The following LHFPL6 variants were observed in gnomAD, a reference collection of about 807,000 sequenced individuals.
LHFPL6 encodes the protein LHFPL tetraspan subfamily member 6 protein.
In LHFPL6, 9 loss-of-function variants were observed where a neutral mutation model predicts 20.6. The observed-to-expected ratio is 0.44, with a 90% CI of 0.26 to 0.76. The LOEUF is 0.76. Ranked by LOEUF, LHFPL6 falls within the 30% of genes least tolerant of loss-of-function variation. LHFPL6 has a pLI of 0.20. For missense variants in LHFPL6, 218 were observed against 253.5 expected (o/e 0.86, Z 0.95); for synonymous variants, 105 against 98.7 (o/e 1.06, Z -0.38).
At chr13:39,488,288 C>A (rs1426978257) in intron 2 of LHFPL6, among the ~76,000 whole-genome samples, 1 of 152,176 alleles carries the variant, frequency 6.6e-6, no homozygotes, top group Admixed American at 6.5e-5. Flanking sequence ...TTATAAGCCA[C>A]CCAGTTTAAG....
intron 2 of LHFPL6, among the ~76,000 whole-genome samples, chr13:39,466,782 C>T (rs1336820940): frequency 6.6e-6 from 1 of 152,182 alleles, no homozygotes; most frequent in Non-Finnish European, 1.5e-5. Context: ...ACCTTTCTAA[C>T]CAGATTTCCT....
At position 39,602,512 on chromosome 13, in the gene LHFPL6, C is replaced by A. The variant is rs540588431; in HGVS notation, c.-175+371G>T. ...GGGAAGACCAGCAGGGGGTGGCCTG[C>A]GGGCAGGGGGCCCCCATCTCCAACT... On this transcript the variant is annotated intron_variant, in intron 1 of 3. Coordinates refer to ENST00000379589, the MANE Select transcript of LHFPL6 (RefSeq NM_005780.3). 3.3e-5 allele frequency among the ~76,000 whole-genome samples: 5 copies of A among 152,242 alleles called. No homozygotes were observed. The South Asian group carries it at 1.0e-3, about 32-fold the overall frequency.
intron 3 of LHFPL6, among the ~76,000 whole-genome samples, chr13:39,358,397 G>A (rs553545533): frequency 6.6e-6 from 1 of 152,066 alleles, no homozygotes; most frequent in Non-Finnish European, 1.5e-5. Context: ...AAATTAACTC[G>A]AGAGATTAAA....
chr13:39,382,694 C>T (rs1297994563), intron 2 of LHFPL6, among the ~76,000 whole-genome samples: 1 of 152,072 alleles, frequency 6.6e-6, no homozygotes, highest in Non-Finnish European at 1.5e-5. Flanking sequence ...AGCCACATTA[C>T]TTTGAAATGT....
chr13:39,392,393 G>C (rs975132035), intron 2 of LHFPL6, among the ~76,000 whole-genome samples: 3 of 152,118 alleles, frequency 2.0e-5, no homozygotes, highest in Non-Finnish European at 4.4e-5. Flanking sequence ...TCAGGAGTTC[G>C]AGACCAGCCT....
intron 2 of LHFPL6, among the ~76,000 whole-genome samples, chr13:39,502,917 A>G (rs997778586): frequency 1.3e-5 from 2 of 152,132 alleles, no homozygotes; most frequent in Admixed American, 1.3e-4. Flanking sequence ...TTTAGAGACA[A>G]GGTCTTGCTC....
intron 2 of LHFPL6, among the ~76,000 whole-genome samples, chr13:39,598,741 T>C (rs947221361): frequency 2.0e-5 from 3 of 152,032 alleles, no homozygotes; most frequent in African/African-American, 7.2e-5. Context: ...TATTTTTTAG[T>C]GGAGACCGGG....
intron 2 of LHFPL6, among the ~76,000 whole-genome samples, chr13:39,406,616 C>CTT (rs71077234): frequency 0.77 from 117,847 of 152,088 alleles, 46,168 homozygotes; most frequent in Admixed American, 0.84. Flanking sequence ...TTTGATAAAA[C>CTT]ATTAAAATTT....
chr13:39,390,741 T>A (rs1032662008), intron 2 of LHFPL6, among the ~76,000 whole-genome samples: 3 of 152,192 alleles, frequency 2.0e-5, no homozygotes, highest in African/African-American at 7.2e-5. Flanking sequence ...ACACCTGTAA[T>A]CCCAGCACTT....
chr13:39,562,505 CAT>C (rs1454128069), intron 2 of LHFPL6, among the ~76,000 whole-genome samples: 5 of 145,216 alleles, frequency 3.4e-5, no homozygotes, highest in African/African-American at 1.3e-4. Context: ...TACATATATA[CAT>C]ATATACATAT....
intron 2 of LHFPL6, among the ~76,000 whole-genome samples, chr13:39,426,486 C>T (rs547889345): frequency 2.0e-5 from 3 of 152,194 alleles, no homozygotes; most frequent in African/African-American, 4.8e-5. Context: ...TTCCAAAGTG[C>T]GGGGATTAAA....
chr13:39,509,259 G>A, intron 2 of LHFPL6, among the ~76,000 whole-genome samples: 1 of 151,646 alleles, frequency 6.6e-6, no homozygotes. Context: ...TAAATAATTT[G>A]GATACAAATC....
intron 2 of LHFPL6, among the ~76,000 whole-genome samples, chr13:39,545,554 T>C (rs77020786): frequency 0.018 from 2,688 of 152,074 alleles, 35 homozygotes; most frequent in Non-Finnish European, 0.029. Context: ...GAAATAATAA[T>C]AGTAGTACAG....
At chr13:39,589,110 G>T (rs957596425) in intron 2 of LHFPL6, among the ~76,000 whole-genome samples, 5 of 151,992 alleles carry the variant, frequency 3.3e-5, no homozygotes, top group Non-Finnish European at 5.9e-5. Flanking sequence ...ACATCTACCA[G>T]ATAAATTTTT....
chr13:39,503,446 T>C (rs1358925999), intron 2 of LHFPL6, among the ~76,000 whole-genome samples: 1 of 152,176 alleles, frequency 6.6e-6, no homozygotes, highest in Non-Finnish European at 1.5e-5. Context: ...CATACTACCA[T>C]AACTCCCAAT....
chr13:39,346,001 C>T (rs189933510), intron 3 of LHFPL6, among the ~76,000 whole-genome samples: 65 of 152,300 alleles, frequency 4.3e-4, no homozygotes, highest in African/African-American at 1.4e-3. Context: ...TTTGCATAGA[C>T]CTGCTCACCG....
intron 2 of LHFPL6, among the ~76,000 whole-genome samples, chr13:39,446,951 T>C (rs895856320): frequency 1.3e-5 from 2 of 152,180 alleles, no homozygotes; most frequent in African/African-American, 4.8e-5. Flanking sequence ...CACAGGGAGA[T>C]TGAGCCCTCG....
intron 2 of LHFPL6, among the ~76,000 whole-genome samples, chr13:39,517,615 C>T (rs1869969159): frequency 6.6e-6 from 1 of 152,190 alleles, no homozygotes; most frequent in Non-Finnish European, 1.5e-5. Flanking sequence ...TGTCCTTGTT[C>T]TCTCCACATT....
chr13:39,436,623 C>T (rs1338635264), intron 2 of LHFPL6, among the ~76,000 whole-genome samples: 2 of 152,154 alleles, frequency 1.3e-5, no homozygotes, highest in African/African-American at 4.8e-5. Context: ...ACTATACTAC[C>T]TTATAAAACA....
Sources: gnomAD v4.1 joint callset for allele counts (sites outside exome capture counted in the v4.1 genomes callset) on GRCh38, gnomAD v4.1.1 for gene constraint, MANE v1.5 for transcripts, NCBI Gene and HGNC (gene_info 2026-07-23, HGNC 2026-07-21) for gene names.